Variants in PDK3 observed in about 807,000 individuals in gnomAD.
The protein encoded by PDK3 is pyruvate dehydrogenase kinase, isozyme 3.
A neutral mutation model predicts 32.0 loss-of-function variants in PDK3; 12 were observed. The ratio of observed to expected loss-of-function variants is 0.37; its 90% CI spans 0.24 to 0.61. The LOEUF (loss-of-function observed/expected upper bound fraction) is 0.61. Among genes scored for constraint, PDK3 ranks in the 20% least tolerant of loss-of-function variants. The pLI, the probability that PDK3 is intolerant of heterozygous loss-of-function variation, is 0.65. For missense variants in PDK3, 188 were observed against 316.9 expected (o/e 0.59, Z 3.09); for synonymous variants, 122 against 116.3 (o/e 1.05, Z -0.31).
rs11094968 is a variant in PDK3 at position 24,499,094 on chromosome X, A to G, written c.320+194A>G. The G allele has an allele frequency of 0.41, 123,469 of 301,027 alleles. 18,688 individuals carry two copies. Among genetic ancestry groups the G allele is most frequent in the South Asian group, 0.54 (4,349 of 8,105 alleles). The allele number at this position is 301,027 out of a possible 1,213,427, so 24.8% of individuals were successfully genotyped here. A position where few individuals can be genotyped will look rare whatever the true frequency, so the allele number is the denominator to read the frequency against. ...GAATGTAACACAATACAAAAGTAAT[A>G]ATGACACTTTCAGTTTTGCTTTTAT... On this transcript the variant is annotated intron_variant, in intron 3 of 10. Transcript: ENST00000379162.
exon 12 of PDK3, chrX:24,549,560 C>T (rs1923060394): frequency 9.0e-6 from 1 of 111,491 alleles, no homozygotes; most frequent in African/African-American, 3.3e-5. Flanking sequence ...GCTCTGTTCT[C>T]ATTGTGATGC....
At chrX:24,527,700 C>G in intron 8 of PDK3, 25 bp downstream of exon 8, 1 of 830,047 alleles carries the variant, frequency 1.2e-6, no homozygotes, top group Admixed American at 2.9e-5. Flanking sequence ...TGCATGTATA[C>G]TTTAATTATC....
intron 9 of PDK3, 22 bp from the exon 10 acceptor site, chrX:24,531,635 A>G (rs370839413): frequency 4.7e-5 from 42 of 901,851 alleles, no homozygotes; most frequent in Non-Finnish European, 6.5e-5. Flanking sequence ...GTCTCACTGT[A>G]TTAATTTTCT....
intron 1 of PDK3, among the ~76,000 whole-genome samples, chrX:24,470,474 G>A (rs182143533): frequency 9.0e-6 from 1 of 110,922 alleles, no homozygotes; most frequent in South Asian, 3.8e-4. Context: ...ATCACATGGG[G>A]TTGGGAGTTT....
At position 24,480,443 on chromosome X, in the gene PDK3, A is replaced by G. The variant is rs765203622; in HGVS notation, c.107-14299A>G. Among the ~76,000 whole-genome samples, 29 of 112,313 alleles carry G rather than the reference A, an allele frequency of 2.6e-4. 2 individuals carry two copies. In the Admixed American group the frequency reaches 2.7e-3, roughly 10 times the overall value. Reference sequence around the variant, plus strand: ...CCATGGTTCTCAGTCCTGGCTGCTCATGAGAATTGTCTGGGGAGCGCCTGA... The same window carrying G: ...CCATGGTTCTCAGTCCTGGCTGCTCGTGAGAATTGTCTGGGGAGCGCCTGA... On this transcript the variant is annotated intron_variant, in intron 1 of 10. Coordinates refer to ENST00000379162, the MANE Select transcript of PDK3 (RefSeq NM_005391.5).
Position 24,541,915 on chromosome X carries a change from T to G in PDK3, c.*2751T>G, listed in dbSNP as rs184641606. Among the ~76,000 whole-genome samples the G allele has an allele frequency of 5.3e-5, 6 of 112,391 alleles. No homozygotes were observed. The Admixed American group carries it at 5.7e-4, about 11-fold the overall frequency. On this transcript the variant is annotated 3_prime_UTR_variant, in exon 12 of 12. Coordinates refer to the PDK3 transcript ENST00000568479. ...TTATTTTAAGTGGGGACTGTGTCTA[T>G]TTAAAATAGTGCCTGACACATAGTA...
chrX:24,494,303 G>A (rs767667813), intron 1 of PDK3, among the ~76,000 whole-genome samples: 1 of 112,241 alleles, frequency 8.9e-6, no homozygotes, highest in South Asian at 3.7e-4. Context: ...AAAATCTTAG[G>A]AAACAGTTGG....
chrX:24,486,382 G>A (rs771670020), intron 1 of PDK3, among the ~76,000 whole-genome samples: 24 of 111,320 alleles, frequency 2.2e-4, no homozygotes, highest in African/African-American at 7.8e-4. Flanking sequence ...GCCCTCGGAT[G>A]TTTCCAGACC....
chrX:24,546,122 TC>T (rs1384898020), exon 12 of PDK3: 1 of 111,683 alleles, frequency 9.0e-6, no homozygotes, highest in Admixed American at 9.5e-5. Flanking sequence ...CCTGTCGAGG[TC>T]CCCACACTGT....
intron 1 of PDK3, among the ~76,000 whole-genome samples, chrX:24,486,741 C>T (rs1424457451): frequency 9.0e-6 from 1 of 111,362 alleles, no homozygotes; most frequent in Non-Finnish European, 1.9e-5. Context: ...AGCGATCCTC[C>T]TGCCTCAGTC....
At chrX:24,467,785 A>G (rs150602315) in intron 1 of PDK3, among the ~76,000 whole-genome samples, 1,641 of 111,785 alleles carry the variant, frequency 0.015, 19 homozygotes, top group Non-Finnish European at 0.022. Flanking sequence ...ATGCCCCTGT[A>G]TGATTAGAGA....
exon 12 of PDK3, among the ~76,000 whole-genome samples, chrX:24,541,879 T>C (rs889034014): frequency 2.7e-5 from 3 of 112,533 alleles, no homozygotes; most frequent in African/African-American, 9.7e-5. Flanking sequence ...TGCTCTTTCA[T>C]TTACTCTATT....
chrX:24,481,540 T>A (rs1479393520), intron 1 of PDK3, among the ~76,000 whole-genome samples: 1 of 111,883 alleles, frequency 8.9e-6, no homozygotes, highest in African/African-American at 3.3e-5. Flanking sequence ...TCCACCCAAA[T>A]CTCATGTTGA....
At chrX:24,485,727 G>C (rs1921381964) in intron 1 of PDK3, among the ~76,000 whole-genome samples, 1 of 111,750 alleles carries the variant, frequency 8.9e-6, no homozygotes, top group South Asian at 3.8e-4. Context: ...GGAGAATCAG[G>C]GAAGCTGGTG....
chrX:24,493,546 A>T (rs1921625569), intron 1 of PDK3, among the ~76,000 whole-genome samples: 1 of 111,229 alleles, frequency 9.0e-6, no homozygotes, highest in Non-Finnish European at 1.9e-5. Context: ...CCTGGCCATG[A>T]TGTTGCCCAT....
In PDK3 at chrX:24,541,202, C is replaced by T. The variant is rs142468062; in HGVS notation, c.*2038C>T. ...CTGGGATTACAGGTTCGAGCCACTG[C>T]GCCCAGCCGACCCTAGCTTCCTTAT... is the stretch of plus-strand genomic sequence containing the variant. On this transcript the variant is annotated 3_prime_UTR_variant, in exon 12 of 12. Transcript: ENST00000568479. 5.5e-3 allele frequency among the ~76,000 whole-genome samples: 597 copies of T among 108,422 alleles called. 25 individuals are homozygous for T. The East Asian group carries it at 0.15, about 26-fold the overall frequency. The allele number at this position is 108,422 out of a possible 115,157, so 94.2% of individuals were successfully genotyped here.
At chrX:24,536,793 T>C (rs775522064), downstream of PDK3, among the ~76,000 whole-genome samples, 1 of 111,495 alleles carries the variant, frequency 9.0e-6, no homozygotes, top group East Asian at 2.8e-4. Context: ...CACCATATAA[T>C]TGCTTTTCTA....
At chrX:24,466,915 T>C (rs1351889870) in intron 1 of PDK3, among the ~76,000 whole-genome samples, 1 of 112,128 alleles carries the variant, frequency 8.9e-6, no homozygotes, top group Non-Finnish European at 1.9e-5. Flanking sequence ...TAGGGAAGAT[T>C]CTGAAGGTAT....
intron 1 of PDK3, among the ~76,000 whole-genome samples, chrX:24,472,675 C>CTTTTTTTTTTTTTTT (rs761538432): frequency 2.6e-4 from 13 of 49,704 alleles, no homozygotes; most frequent in Non-Finnish European, 3.4e-4. Flanking sequence ...TTCTTTCTTT[C>CTTTTTTTTTTTTTTT]TTTTTTTTTT....
Sources: allele counts gnomAD v4.1 joint callset (sites outside exome capture counted in the v4.1 genomes callset), GRCh38; gene constraint gnomAD v4.1.1; transcripts MANE v1.5; gene names NCBI Gene and HGNC (gene_info 2026-07-23, HGNC 2026-07-21).